Variants in DNMT3B observed in about 807,000 individuals in gnomAD.
The protein encoded by DNMT3B is DNA (cytosine-5)-methyltransferase 3B.
In DNMT3B, 37 loss-of-function variants were observed where a neutral mutation model predicts 120.2. That is an observed-to-expected ratio of 0.31 (90% CI 0.24 to 0.40). The LOEUF is 0.40. Ranked by LOEUF, DNMT3B falls within the 10% of genes least tolerant of loss-of-function variation. The pLI is 1.00. For missense variants in DNMT3B, 878 were observed against 1,137.3 expected, an observed-to-expected ratio of 0.77 and a Z score of 3.28; for synonymous variants, 412 against 442.8, an observed-to-expected ratio of 0.93 and a Z score of 0.87.
At chr20:32,763,475 C>T (rs1399918844) in intron 1 of DNMT3B, among the ~76,000 whole-genome samples, 1 of 152,196 alleles carries the variant, frequency 6.6e-6, no homozygotes, top group Non-Finnish European at 1.5e-5. Flanking sequence ...TGGGGTCTTA[C>T]CTTCCATTCT....
chr20:32,778,344 G>A lies in DNMT3B; in HGVS notation c.-6-1974G>A, dbSNP rs183132510. Among the ~76,000 whole-genome samples, 158 of 142,818 alleles carry A rather than the reference G, an allele frequency of 1.1e-3. 1 individual carries two copies. Among genetic ancestry groups the A allele is most frequent in the Middle Eastern group, 3.5e-3 (1 of 288 alleles). 93.7% of individuals were successfully genotyped at this position (142,818 alleles called of 152,430 possible). On this transcript the variant is annotated intron_variant, in intron 1 of 22. Coordinates refer to ENST00000328111, the MANE Select transcript of DNMT3B (RefSeq NM_006892.4). ...TCGCACCACTGCACTGCAGCCTGGCGACAGAGGGAGACTCTGTCTCAAAAA... is the reference window on the plus strand; with the variant it reads ...TCGCACCACTGCACTGCAGCCTGGCAACAGAGGGAGACTCTGTCTCAAAAA...
At position 32,762,738 on chromosome 20, in the gene DNMT3B, C is replaced by G. The variant is rs561174104; in HGVS notation, c.-7+39C>G. 21 of 161,568 alleles carry G rather than the reference C, an allele frequency of 1.3e-4. 2 individuals carry two copies. In the South Asian group the frequency reaches 3.3e-3, roughly 25 times the overall value. 10.0% of individuals were successfully genotyped at this position (161,568 alleles called of 1,614,324 possible). A position where few individuals can be genotyped will look rare whatever the true frequency, so the allele number is the denominator to read the frequency against. ...GGCCCCGGGGAGGCTCGGCCGCCAGCTGCTTCGAGGGCTGCTAGGGGAGGG... is the reference window on the plus strand; with the variant it reads ...GGCCCCGGGGAGGCTCGGCCGCCAGGTGCTTCGAGGGCTGCTAGGGGAGGG... On this transcript the variant is annotated intron_variant, in intron 1 of 22. Transcript: ENST00000328111.
At position 32,787,450 on chromosome 20, in the gene DNMT3B, A is replaced by T; in HGVS notation, c.653A>T (p.Gln218Leu). ...DSGDGDSSEY[Q>L]DGKEFGIGDL... Reference sequence around the variant, plus strand: ...GGAGATGGAGACAGTTCAGAGTATCAGGTATGGCCGAGAGGGGCTCCTGCC... The same window carrying T: ...GGAGATGGAGACAGTTCAGAGTATCTGGTATGGCCGAGAGGGGCTCCTGCC... Residue 218 changes from glutamine to leucine, a missense_variant and splice_region_variant, in exon 6 of 23, where the codon CAG (glutamine) becomes CTG (leucine). Coordinates refer to ENST00000328111, the MANE Select transcript of DNMT3B (RefSeq NM_006892.4). The T allele has an allele frequency of 1.2e-6, 2 of 1,613,148 alleles. No individual in the cohort carries two copies. The highest frequency in any genetic ancestry group is 1.7e-6 in the Non-Finnish European group (2 of 1,179,686).
At chr20:32,786,655 GC>G in intron 5 of DNMT3B, 28 bp downstream of exon 5, 1 of 1,613,286 alleles carries the variant, frequency 6.2e-7, no homozygotes, top group Non-Finnish European at 8.5e-7. Flanking sequence ...CCAGACCCCT[GC>G]CCGCAGTCTC....
chr20:32,781,560 T>G (rs1021222720), intron 3 of DNMT3B, 146 bp downstream of exon 3: 9 of 851,354 alleles, frequency 1.1e-5, no homozygotes, highest in Non-Finnish European at 1.8e-5. Flanking sequence ...TATTTGGCAT[T>G]ATTTTTTCAA....
intron 1 of DNMT3B, among the ~76,000 whole-genome samples, chr20:32,779,302 G>T (rs1334571544): frequency 6.6e-6 from 1 of 152,184 alleles, no homozygotes; most frequent in African/African-American, 2.4e-5. Flanking sequence ...TTTTTTACTC[G>T]TTCTCTATCT....
At chr20:32,784,986 A>T in intron 4 of DNMT3B, 127 bp downstream of exon 4, 1 of 928,372 alleles carries the variant, frequency 1.1e-6, no homozygotes, top group Middle Eastern at 3.1e-4. Flanking sequence ...AAATGTTTTG[A>T]AACTAGAAAA....
Position 32,787,400 on chromosome 20 carries a change from G to T in DNMT3B, c.603G>T (p.Glu201Asp). 1 of 1,614,218 alleles carries T rather than the reference G, an allele frequency of 6.2e-7. No individual in the cohort carries two copies. The highest frequency in any genetic ancestry group is 8.5e-7 in the Non-Finnish European group (1 of 1,180,044). ...LAQDSQQGGM[E>D]SPQVEADSGD... is the part of the protein sequence containing the mutation. The stretch of plus-strand genomic sequence containing the variant: ...AGGACAGCCAGCAGGGGGGCATGGA[G>T]TCCCCGCAGGTGGAGGCAGACAGTG... Residue 201 changes from glutamate (E) to aspartate (D), a missense_variant, in exon 6 of 23, where the codon GAG becomes GAT. Physicochemically the swap from Glu to Asp is conservative, Grantham distance 45. Around this residue, in one of 4 missense-constraint regions of DNMT3B, gnomAD observed 287 missense variants for 306.2 expected, o/e 0.94. Transcript: ENST00000328111.
intron 9 of DNMT3B, among the ~76,000 whole-genome samples, 179 bp from the exon 10 acceptor site, chr20:32,793,357 C>A (rs533519171): frequency 1.3e-5 from 2 of 152,268 alleles, no homozygotes; most frequent in African/African-American, 4.8e-5. Context: ...GTCCCAGCTA[C>A]CCGGGAGGCT....
intron 1 of DNMT3B, among the ~76,000 whole-genome samples, chr20:32,774,371 G>T (rs897311925): frequency 4.6e-5 from 7 of 151,878 alleles, no homozygotes; most frequent in African/African-American, 1.5e-4. Flanking sequence ...CACCATGCCC[G>T]GCTAATTTTT....
At chr20:32,792,860 C>T in intron 9 of DNMT3B, 90 bp downstream of exon 9, 3 of 1,568,844 alleles carry the variant, frequency 1.9e-6, no homozygotes, top group Non-Finnish European at 1.7e-6. Context: ...CCCCACACCC[C>T]ACCCAGCTTT....
At chr20:32,769,312 C>A (rs991586567) in intron 1 of DNMT3B, among the ~76,000 whole-genome samples, 2 of 152,126 alleles carry the variant, frequency 1.3e-5, no homozygotes, top group Non-Finnish European at 2.9e-5. Context: ...TGGTCTTGAT[C>A]TCCTGACCTC....
At chr20:32,805,495 C>T (rs1216885191) in intron 21 of DNMT3B, 88 bp downstream of exon 21, 1 of 1,496,528 alleles carries the variant, frequency 6.7e-7, no homozygotes, top group African/African-American at 1.4e-5. Context: ...TGATTGGTTC[C>T]TACTCCTCCC....
chr20:32,770,010 A>C (rs1249391586), intron 1 of DNMT3B, among the ~76,000 whole-genome samples: 1 of 152,150 alleles, frequency 6.6e-6, no homozygotes, highest in Non-Finnish European at 1.5e-5. Flanking sequence ...ATCACAGCTC[A>C]CTGTAGCCTC....
intron 3 of DNMT3B, 126 bp downstream of exon 3, chr20:32,781,540 T>C: frequency 1.0e-6 from 1 of 964,912 alleles, no homozygotes; most frequent in South Asian, 1.4e-5. Context: ...AGCTAGATGC[T>C]TTCTGCATAT....
At position 32,762,671 on chromosome 20, in the gene DNMT3B, C is replaced by T. The variant is rs1328484969; in HGVS notation, c.-35C>T. On this transcript the variant is annotated 5_prime_UTR_variant, in exon 1 of 23. Transcript: ENST00000328111. ...AGCCCCGACCCGCGGCTCCGCCGCC[C>T]AGCCGCGCCCCAGCCAGCCCTGCGG... 1 of 205,266 alleles carries T rather than the reference C, an allele frequency of 4.9e-6. No individual in the cohort carries two copies. Among genetic ancestry groups the T allele is most frequent in the Admixed American group, 6.0e-5 (1 of 16,740 alleles). The allele number at this position is 205,266 out of a possible 1,614,324, so 12.7% of individuals were successfully genotyped here.
rs755852463 is a variant in DNMT3B at position 32,762,612 on chromosome 20, C to T, written c.-94C>T. The T allele has an allele frequency of 3.4e-6, 1 of 296,056 alleles. No individual in the cohort carries two copies. The highest frequency in any genetic ancestry group is 1.0e-3 in the Middle Eastern group (1 of 988). 18.3% of individuals were successfully genotyped at this position (296,056 alleles called of 1,614,324 possible). A position where few individuals can be genotyped will look rare whatever the true frequency, so the allele number is the denominator to read the frequency against. On this transcript the variant is annotated 5_prime_UTR_variant, in exon 1 of 23. Transcript: ENST00000328111. The stretch of plus-strand genomic sequence containing the variant: ...GCGCCGGAGATTCGCGAGCCCAGCG[C>T]CCTGCACGGCCGCCAGCCGGCCTCC...
chr20:32,807,139 T>C (rs1444288352), intron 22 of DNMT3B, among the ~76,000 whole-genome samples: 3 of 152,224 alleles, frequency 2.0e-5, no homozygotes, highest in African/African-American at 7.2e-5. Flanking sequence ...ATCACATCTT[T>C]GGCATGTTTC....
At chr20:32,763,545 A>C (rs1987106796) in intron 1 of DNMT3B, among the ~76,000 whole-genome samples, 1 of 152,170 alleles carries the variant, frequency 6.6e-6, no homozygotes. Context: ...AAGGCCTCAA[A>C]ACCTCTAGCA....
Sources: allele counts gnomAD v4.1 joint callset (sites outside exome capture counted in the v4.1 genomes callset), GRCh38; gene constraint gnomAD v4.1.1; regional missense constraint gnomAD v4.1.1; transcripts MANE v1.5; gene names NCBI Gene and HGNC (gene_info 2026-07-23, HGNC 2026-07-21).